Variants in GPHN observed in about 807,000 individuals in gnomAD.
GPHN encodes gephyrin.
A neutral mutation model predicts 95.5 loss-of-function variants in GPHN; 17 were observed. The ratio of observed to expected loss-of-function variants is 0.18; its 90% CI spans 0.12 to 0.27. GPHN has a LOEUF of 0.27. GPHN is among the 10% of genes least tolerant of loss of function. GPHN has a pLI of 1.00. For missense variants in GPHN, 660 were observed against 978.1 expected, an observed-to-expected ratio of 0.67 and a Z score of 4.34; for synonymous variants, 320 against 322.5, an observed-to-expected ratio of 0.99 and a Z score of 0.08.
intron 5 of GPHN, among the ~76,000 whole-genome samples, chr14:66,884,145 C>T (rs750481746): frequency 6.6e-6 from 1 of 152,016 alleles, no homozygotes; most frequent in Non-Finnish European, 1.5e-5. Context: ...AATATCGGCT[C>T]CTTTTTTTTG....
At chr14:67,393,207 C>T in the GPHN span, 20 of 1,613,876 alleles carry the variant, frequency 1.2e-5, no homozygotes, top group Admixed American at 3.3e-5. Context: ...GAACGGATTC[C>T]GGTGTTGCTA....
At chr14:67,489,574 C>T in the GPHN span, among the ~76,000 whole-genome samples, 1 of 152,204 alleles carries the variant, frequency 6.6e-6, no homozygotes, top group African/African-American at 2.4e-5. Flanking sequence ...CTCCTTCTTC[C>T]AGACCCTGCT....
the GPHN span, among the ~76,000 whole-genome samples, chr14:67,478,330 A>T: frequency 6.6e-6 from 1 of 152,234 alleles, no homozygotes; most frequent in African/African-American, 2.4e-5. Flanking sequence ...CAAGTCAGCT[A>T]CTAACTCCCA....
chr14:66,947,407 T>C (rs1205714009), intron 8 of GPHN, among the ~76,000 whole-genome samples: 1 of 152,210 alleles, frequency 6.6e-6, no homozygotes, highest in Admixed American at 6.5e-5. Context: ...TACTTATTCA[T>C]GTGTTTACTT....
the GPHN span, chr14:67,340,210 G>T: frequency 2.2e-6 from 1 of 457,678 alleles, no homozygotes; most frequent in Non-Finnish European, 3.9e-6. Flanking sequence ...AACCTAAACA[G>T]TTTCTCTGAA....
At chr14:67,621,079 A>G in the GPHN span, 2 of 951,062 alleles carry the variant, frequency 2.1e-6, no homozygotes, top group Non-Finnish European at 3.3e-6. Context: ...AGTCTGCCAC[A>G]TCCCGCATCC....
chr14:67,056,596 A>G (rs2075581209), intron 10 of GPHN, among the ~76,000 whole-genome samples: 1 of 152,156 alleles, frequency 6.6e-6, no homozygotes, highest in Non-Finnish European at 1.5e-5. Context: ...ATTGGTGCAT[A>G]TACAATCCTC....
intron 8 of GPHN, among the ~76,000 whole-genome samples, chr14:66,932,447 T>TG (rs1313234880): frequency 1.1e-5 from 1 of 89,346 alleles, no homozygotes; most frequent in East Asian, 2.6e-4. Flanking sequence ...AGACCAGGTT[T>TG]TTTTTTTTTT....
the GPHN span, among the ~76,000 whole-genome samples, chr14:67,233,279 C>T: frequency 1.3e-5 from 2 of 152,026 alleles, no homozygotes; most frequent in African/African-American, 4.8e-5. Context: ...GTAGCTGGGA[C>T]TATAGGCATG....
At chr14:67,220,717 A>C in the GPHN span, among the ~76,000 whole-genome samples, 3 of 151,994 alleles carry the variant, frequency 2.0e-5, no homozygotes, top group Non-Finnish European at 2.9e-5. Flanking sequence ...ATTTGCATCT[A>C]TTTTTCAAGG....
chr14:67,208,749 T>C, the GPHN span, among the ~76,000 whole-genome samples: 2 of 151,932 alleles, frequency 1.3e-5, no homozygotes, highest in African/African-American at 2.4e-5. Context: ...CTACAAAAAT[T>C]AGCCAGGCGC....
chr14:66,825,607 G>A lies in GPHN; in HGVS notation c.294+1041G>A, dbSNP rs549969242. Among the ~76,000 whole-genome samples, 23 of 150,304 alleles carry A rather than the reference G, an allele frequency of 1.5e-4. No individual in the cohort carries two copies. In the South Asian group the frequency reaches 3.8e-3, roughly 25 times the overall value. ...GGCCCCAGGTGATGCAGATGTTGTC[G>A]TTGTTGTTGGACCATAGACCATATT... On this transcript the variant is annotated intron_variant, in intron 4 of 22. Transcript: ENST00000478722.
the GPHN span, chr14:67,336,260 A>G: frequency 2.0e-5 from 3 of 152,920 alleles, no homozygotes; most frequent in East Asian, 5.7e-4. Flanking sequence ...TCATACACCA[A>G]CAAACAAAAA....
chr14:67,536,418 C>G, the GPHN span, among the ~76,000 whole-genome samples: 4 of 151,814 alleles, frequency 2.6e-5, no homozygotes, highest in Non-Finnish European at 5.9e-5. Context: ...CCCTCACTAG[C>G]AAGTGGAAGT....
chr14:67,308,552 T>C, the GPHN span, among the ~76,000 whole-genome samples: 5 of 147,290 alleles, frequency 3.4e-5, no homozygotes, highest in African/African-American at 7.5e-5. Flanking sequence ...TTTTCTTTTT[T>C]TTTTTTTTTT....
chr14:67,324,143 C>G, the GPHN span, among the ~76,000 whole-genome samples: 1 of 152,144 alleles, frequency 6.6e-6, no homozygotes, highest in Non-Finnish European at 1.5e-5. Context: ...TTCAGGGAGC[C>G]AAATTTGAGT....
chr14:67,075,398 G>A (rs2076458083), intron 11 of GPHN, among the ~76,000 whole-genome samples: 1 of 152,108 alleles, frequency 6.6e-6, no homozygotes, highest in Admixed American at 6.5e-5. Context: ...TGATTGGGAT[G>A]TACAAGATTA....
At chr14:67,442,883 G>T in the GPHN span, among the ~76,000 whole-genome samples, 1 of 152,216 alleles carries the variant, frequency 6.6e-6, no homozygotes, top group Non-Finnish European at 1.5e-5. Flanking sequence ...TTTGTTGTGT[G>T]TGAGGAATGT....
chr14:67,524,105 G>C, the GPHN span, among the ~76,000 whole-genome samples: 1 of 152,134 alleles, frequency 6.6e-6, no homozygotes, highest in Non-Finnish European at 1.5e-5. Context: ...TTTAATGGGA[G>C]ATTAATACTC....
Sources: gnomAD v4.1 joint callset for allele counts (sites outside exome capture counted in the v4.1 genomes callset) on GRCh38, gnomAD v4.1.1 for gene constraint, MANE v1.5 for transcripts, NCBI Gene and HGNC (gene_info 2026-07-23, HGNC 2026-07-21) for gene names.